ZRANB3: variants seen among roughly 807,000 people sequenced by gnomAD.
ZRANB3 encodes the protein DNA annealing helicase and endonuclease ZRANB3.
Under a neutral mutation model 133.8 loss-of-function variants are expected in ZRANB3, and 125 were observed. The observed-to-expected ratio is 0.93, with a 90% CI of 0.81 to 1.08. The LOEUF (loss-of-function observed/expected upper bound fraction) is 1.08, where lower values mean the gene tolerates loss of function less well. Ranked by LOEUF, ZRANB3 falls within the 50% of genes least tolerant of loss-of-function variation. The pLI, the probability that ZRANB3 is intolerant of heterozygous loss-of-function variation, is 0.00. For missense variants in ZRANB3, 1,229 were observed against 1,275.5 expected, an observed-to-expected ratio of 0.96 and a Z score of 0.56; for synonymous variants, 387 against 432.7, an observed-to-expected ratio of 0.89 and a Z score of 1.31.
intron 2 of ZRANB3, among the ~76,000 whole-genome samples, chr2:135,406,398 G>A (rs1230935279): frequency 1.3e-5 from 2 of 152,132 alleles, no homozygotes; most frequent in Admixed American, 6.6e-5. Flanking sequence ...GAGGTACAAC[G>A]AGGAGCTGGT....
intron 2 of ZRANB3, among the ~76,000 whole-genome samples, chr2:135,492,779 A>T (rs1348777705): frequency 2.0e-5 from 3 of 152,104 alleles, no homozygotes; most frequent in Non-Finnish European, 4.4e-5. Context: ...CAGAGCAACA[A>T]GAATAAGGCC....
At chr2:135,297,000 TC>T (rs1682156661) in intron 8 of ZRANB3, among the ~76,000 whole-genome samples, 1 of 152,220 alleles carries the variant, frequency 6.6e-6, no homozygotes, top group African/African-American at 2.4e-5. Flanking sequence ...GGGGGCTGCC[TC>T]CCAGTTAGGC....
chr2:135,497,199 C>T (rs1281745926), intron 2 of ZRANB3, among the ~76,000 whole-genome samples: 1 of 152,162 alleles, frequency 6.6e-6, no homozygotes, highest in Non-Finnish European at 1.5e-5. Context: ...CAGTAAAACT[C>T]CATTCACAAA....
At chr2:135,248,826 A>C (rs1341282763) in intron 12 of ZRANB3, among the ~76,000 whole-genome samples, 1 of 152,162 alleles carries the variant, frequency 6.6e-6, no homozygotes, top group East Asian at 1.9e-4. Flanking sequence ...AACTTGCTTG[A>C]ACCTGGGAGG....
At chr2:135,349,519 G>T (rs1487690858) in intron 5 of ZRANB3, among the ~76,000 whole-genome samples, 1 of 152,130 alleles carries the variant, frequency 6.6e-6, no homozygotes, top group Non-Finnish European at 1.5e-5. Flanking sequence ...ACCTTATCTG[G>T]TCTGCACGTA....
At chr2:135,333,372 G>A (rs1684237235) in intron 6 of ZRANB3, among the ~76,000 whole-genome samples, 1 of 152,084 alleles carries the variant, frequency 6.6e-6, no homozygotes, top group Admixed American at 6.6e-5. Context: ...AAAAGGGAAA[G>A]TACAAAACAA....
intron 6 of ZRANB3, among the ~76,000 whole-genome samples, chr2:135,323,968 C>T (rs999803116): frequency 1.3e-5 from 2 of 152,056 alleles, no homozygotes; most frequent in African/African-American, 4.8e-5. Context: ...GGGGTTTCGC[C>T]ATGTTGGTCA....
intron 1 of ZRANB3, among the ~76,000 whole-genome samples, chr2:135,514,034 T>C (rs1559048524): frequency 1.3e-5 from 2 of 152,380 alleles, no homozygotes; most frequent in South Asian, 2.1e-4. Context: ...CTTTGGTTAC[T>C]GTAGCCTTGT....
At chr2:135,402,550 T>A (rs982091306) in intron 2 of ZRANB3, among the ~76,000 whole-genome samples, 10 of 151,720 alleles carry the variant, frequency 6.6e-5, no homozygotes, top group African/African-American at 2.4e-4. Context: ...CAACTCGGCC[T>A]CCCAATGTGC....
chr2:135,384,113 G>T (rs1686850716), intron 3 of ZRANB3, among the ~76,000 whole-genome samples: 1 of 151,904 alleles, frequency 6.6e-6, no homozygotes, highest in Admixed American at 6.6e-5. Context: ...TAATAAAGAA[G>T]AAAAGAGAGA....
chr2:135,440,032 C>G (rs1689712474), intron 2 of ZRANB3, among the ~76,000 whole-genome samples: 1 of 152,148 alleles, frequency 6.6e-6, no homozygotes, highest in South Asian at 2.1e-4. Flanking sequence ...ACAATGTAGT[C>G]TCAGGATTTA....
At position 135,207,739 on chromosome 2, in the gene ZRANB3, G is replaced by A. The variant is rs1033247944; in HGVS notation, c.2704C>T (p.Gln902Ter). The part of the protein sequence containing the change: ...VKPSTSKGYL[Q>*]AVDNEGNPLC... ...GGATTTCCTTCATTATCCACAGCTT[G>A]CAAATAGCCTTTGGATGTAGAGGGC... The change falls in exon 19 of 21, where the codon CAA (glutamine) becomes TAA (stop). Residue 902 changes from glutamine (Q) to a stop codon, truncating the protein, a stop_gained. Transcript: ENST00000264159. LOFTEE classifies it high-confidence loss of function. 9.9e-6 allele frequency: 16 copies of A among 1,613,896 alleles called. No homozygotes were observed. The highest frequency in any genetic ancestry group is 1.4e-5 in the Non-Finnish European group (16 of 1,179,904).
chr2:135,313,541 T>C lies in ZRANB3; in HGVS notation c.914A>G (p.Glu305Gly). ...GCGAGTTATCAACCCCATGACTGTC[T>C]CCATGGCACCTGAATTTGGAGTTCT... ...IMRTPNSGAMETVMGLITRMF... is the reference protein window; with the variant it reads ...IMRTPNSGAMGTVMGLITRMF... Residue 305 changes from glutamate to glycine, a missense_variant, in exon 8 of 21, where the codon GAG becomes GGG. Coordinates refer to ENST00000264159, the MANE Select transcript of ZRANB3 (RefSeq NM_032143.4). The C allele has an allele frequency of 6.2e-7, 1 of 1,613,838 alleles. No homozygotes were observed. The highest frequency in any genetic ancestry group is 8.5e-7 in the Non-Finnish European group (1 of 1,179,814).
chr2:135,267,825 A>G (rs1322167991), intron 11 of ZRANB3, among the ~76,000 whole-genome samples: 2 of 152,118 alleles, frequency 1.3e-5, no homozygotes, highest in African/African-American at 4.8e-5. Flanking sequence ...CCAAATTCAG[A>G]TGTTAAAATC....
intron 2 of ZRANB3, among the ~76,000 whole-genome samples, chr2:135,394,953 CAA>C (rs113220872): frequency 0.01 from 453 of 43,354 alleles, 2 homozygotes; most frequent in African/African-American, 0.027. Flanking sequence ...CTTGTCTCTA[CAA>C]AAAAAAAAAA....
chr2:135,344,352 T>A (rs1684825513), intron 6 of ZRANB3, among the ~76,000 whole-genome samples: 1 of 152,264 alleles, frequency 6.6e-6, no homozygotes, highest in South Asian at 2.1e-4. Flanking sequence ...TATTCATTGC[T>A]GCATTGTATG....
Position 135,477,026 on chromosome 2 carries a change from A to G in ZRANB3, c.161+27303T>C, listed in dbSNP as rs539780224. Among the ~76,000 whole-genome samples the G allele has an allele frequency of 2.6e-5, 4 of 152,250 alleles. 1 individual carries two copies. Among genetic ancestry groups the G allele is most frequent in the African/African-American group, 9.6e-5 (4 of 41,554 alleles). On this transcript the variant is annotated intron_variant, in intron 2 of 20. Transcript: ENST00000264159. ...ATAAGCGACCATGCCTACCTTCTCT[A>G]TATTTCTAATAACATATTTTACTGT...
intron 12 of ZRANB3, among the ~76,000 whole-genome samples, chr2:135,249,360 G>A (rs1041307879): frequency 6.6e-6 from 1 of 152,240 alleles, no homozygotes; most frequent in Admixed American, 6.5e-5. Context: ...GCATGTCAAT[G>A]ACAGGTTAAC....
intron 6 of ZRANB3, among the ~76,000 whole-genome samples, chr2:135,332,377 G>A (rs560922978): frequency 5.9e-5 from 9 of 152,134 alleles, no homozygotes; most frequent in Admixed American, 2.6e-4. Flanking sequence ...AGGGCTTCTC[G>A]TTTTCAAATT....
Sources: gnomAD v4.1 joint callset for allele counts (sites outside exome capture counted in the v4.1 genomes callset) on GRCh38, gnomAD v4.1.1 for gene constraint, MANE v1.5 for transcripts, NCBI Gene and HGNC (gene_info 2026-07-23, HGNC 2026-07-21) for gene names.